CTNNA3: variants seen among roughly 807,000 people sequenced by gnomAD.
The protein encoded by CTNNA3 is catenin alpha 3.
CTNNA3 carries 76 observed loss-of-function variants against 95.7 expected under a neutral mutation model. That is an observed-to-expected ratio of 0.79 (90% CI 0.66 to 0.96). CTNNA3 has a LOEUF of 0.96. Ranked by LOEUF, CTNNA3 falls within the 40% of genes least tolerant of loss-of-function variation. The pLI is 0.00. For missense variants in CTNNA3, 1,191 were observed against 1,089.8 expected (o/e 1.09, Z -1.31); for synonymous variants, 431 against 374.4 (o/e 1.15, Z -1.74).
intron 7 of CTNNA3, among the ~76,000 whole-genome samples, chr10:66,873,870 G>A (rs1341898397): frequency 6.6e-6 from 1 of 152,150 alleles, no homozygotes; most frequent in African/African-American, 2.4e-5. Context: ...TTATGTCTAA[G>A]TTGTTATTTA....
At chr10:67,581,820 C>T (rs1287627478) in intron 3 of CTNNA3, among the ~76,000 whole-genome samples, 1 of 152,128 alleles carries the variant, frequency 6.6e-6, no homozygotes, top group African/African-American at 2.4e-5. Flanking sequence ...TTATCCATTT[C>T]TTTGAGATTT....
chr10:67,395,206 T>C (rs1357988959), intron 5 of CTNNA3, among the ~76,000 whole-genome samples: 7 of 152,184 alleles, frequency 4.6e-5, no homozygotes, highest in African/African-American at 1.7e-4. Flanking sequence ...TTCTTAACCA[T>C]AGGCTAATGA....
rs1358732530 is a variant in CTNNA3, at chr10:67,402,843, C to A, written c.579+118999G>T. The stretch of plus-strand genomic sequence containing the variant: ...CCAGGAGATTTACATACCCCAGCCA[C>A]AGGATCCCTGGCAAAGGTGACTACA... On this transcript the variant is annotated intron_variant, in intron 5 of 17. Transcript: ENST00000433211. Among the ~76,000 whole-genome samples, 8 of 152,334 alleles carry A rather than the reference C, an allele frequency of 5.3e-5. No homozygotes were observed. In the East Asian group the frequency reaches 1.5e-3, roughly 29 times the overall value.
rs1205214074 is a variant in CTNNA3, at chr10:67,563,981, A to T, written c.293-24312T>A. ...CCAGTTAGAATGGCGATCATTAAAAAGTCAGGAAACAACAGGTGCTGGAGA... is the reference window on the plus strand; with the variant it reads ...CCAGTTAGAATGGCGATCATTAAAATGTCAGGAAACAACAGGTGCTGGAGA... On this transcript the variant is annotated intron_variant, in intron 3 of 17. Coordinates refer to ENST00000433211, the MANE Select transcript of CTNNA3 (RefSeq NM_013266.4). Among the ~76,000 whole-genome samples the T allele has an allele frequency of 2.7e-4, 40 of 149,078 alleles. 1 individual carries two copies. The highest frequency in any genetic ancestry group is 9.3e-4 in the African/African-American group (37 of 39,630).
intron 11 of CTNNA3, among the ~76,000 whole-genome samples, chr10:66,463,294 T>C (rs1270109547): frequency 6.6e-6 from 1 of 152,092 alleles, no homozygotes; most frequent in Admixed American, 6.6e-5. Context: ...GAACGGATTG[T>C]TAAAAAGAGG....
At chr10:67,259,982 A>G (rs1192752376) in intron 5 of CTNNA3, among the ~76,000 whole-genome samples, 2 of 152,222 alleles carry the variant, frequency 1.3e-5, no homozygotes, top group African/African-American at 4.8e-5. Context: ...AGTATAATCC[A>G]TTACCTTGGA....
intron 7 of CTNNA3, among the ~76,000 whole-genome samples, chr10:66,875,810 G>A (rs1844593832): frequency 6.6e-6 from 1 of 152,114 alleles, no homozygotes; most frequent in Non-Finnish European, 1.5e-5. Context: ...ATCATCCACT[G>A]GCTCAGAGAC....
intron 7 of CTNNA3, among the ~76,000 whole-genome samples, chr10:67,124,026 T>G (rs1283803580): frequency 6.6e-6 from 1 of 152,118 alleles, no homozygotes; most frequent in African/African-American, 2.4e-5. Context: ...GAAAATTAGT[T>G]AGAAATCCAA....
intron 4 of CTNNA3, among the ~76,000 whole-genome samples, chr10:67,527,769 C>A (rs1394927914): frequency 6.6e-6 from 1 of 152,170 alleles, no homozygotes; most frequent in Non-Finnish European, 1.5e-5. Context: ...AATGCAAAAG[C>A]AAGCTAGTCA....
chr10:66,890,619 A>T (rs117693528), intron 7 of CTNNA3, among the ~76,000 whole-genome samples: 1 of 152,124 alleles, frequency 6.6e-6, no homozygotes, highest in Admixed American at 6.6e-5. Flanking sequence ...AGTGGGTTGA[A>T]GAGTGAATGG....
chr10:66,059,279 A>G (rs1176392186), intron 15 of CTNNA3, among the ~76,000 whole-genome samples: 1 of 152,108 alleles, frequency 6.6e-6, no homozygotes, highest in African/African-American at 2.4e-5. Context: ...CATCATTCTC[A>G]TAAATACAGA....
At chr10:66,631,984 T>C (rs190438847) in intron 9 of CTNNA3, among the ~76,000 whole-genome samples, 2 of 150,668 alleles carry the variant, frequency 1.3e-5, no homozygotes, top group South Asian at 2.1e-4. Flanking sequence ...CTAAATATTA[T>C]AAATTTCATA....
intron 3 of CTNNA3, among the ~76,000 whole-genome samples, chr10:67,588,444 G>A (rs75797812): frequency 0.011 from 1,642 of 152,126 alleles, 15 homozygotes; most frequent in Non-Finnish European, 0.019. Context: ...AGTGAAGTAT[G>A]ACTTCTTTGG....
At chr10:67,088,142 GA>G (rs1332240498) in intron 7 of CTNNA3, among the ~76,000 whole-genome samples, 1 of 151,482 alleles carries the variant, frequency 6.6e-6, no homozygotes, top group East Asian at 2.0e-4. Flanking sequence ...GCCAAATGGG[GA>G]GATAAGAAAT....
At chr10:67,481,334 A>T (rs923206861) in intron 5 of CTNNA3, among the ~76,000 whole-genome samples, 1 of 152,214 alleles carries the variant, frequency 6.6e-6, no homozygotes, top group East Asian at 1.9e-4. Context: ...AAAGAATTCA[A>T]ATGATCTCTC....
chr10:67,547,380 A>G (rs898712225), intron 3 of CTNNA3, among the ~76,000 whole-genome samples: 3 of 152,256 alleles, frequency 2.0e-5, no homozygotes, highest in Non-Finnish European at 4.4e-5. Flanking sequence ...ATTATCACTT[A>G]TAATCAGCCT....
intron 7 of CTNNA3, among the ~76,000 whole-genome samples, chr10:66,830,420 G>A (rs1842673253): frequency 6.7e-6 from 1 of 148,762 alleles, no homozygotes; most frequent in Non-Finnish European, 1.5e-5. Flanking sequence ...GATTAGAATT[G>A]AAAGAAGTAC....
intron 5 of CTNNA3, among the ~76,000 whole-genome samples, chr10:67,244,243 T>C (rs1865824200): frequency 6.6e-6 from 1 of 152,204 alleles, no homozygotes; most frequent in Admixed American, 6.5e-5. Flanking sequence ...TGATGGTTTT[T>C]AATCACTTAT....
intron 5 of CTNNA3, chr10:67,334,660 A>G (rs1841922726): frequency 6.6e-6 from 1 of 152,498 alleles, no homozygotes; most frequent in African/African-American, 2.4e-5. Flanking sequence ...AGCCTAAAAG[A>G]CATCCAGTCC....
Sources: gnomAD v4.1 joint callset for allele counts (sites outside exome capture counted in the v4.1 genomes callset) on GRCh38, gnomAD v4.1.1 for gene constraint, MANE v1.5 for transcripts, NCBI Gene and HGNC (gene_info 2026-07-23, HGNC 2026-07-21) for gene names.